Variants in DIPK1A observed in about 807,000 individuals in gnomAD.
DIPK1A encodes the protein family with sequence similarity 69 member A.
Under a neutral mutation model 40.8 loss-of-function variants are expected in DIPK1A, and 27 were observed. The ratio of observed to expected loss-of-function variants is 0.66; its 90% confidence interval spans 0.49 to 0.91. The LOEUF (loss-of-function observed/expected upper bound fraction) is 0.91. DIPK1A is among the 40% of genes least tolerant of loss of function. DIPK1A has a pLI of 0.00. For missense variants in DIPK1A, 412 were observed against 505.7 expected, an observed-to-expected ratio of 0.81 and a Z score of 1.78; for synonymous variants, 166 against 171.3, an observed-to-expected ratio of 0.97 and a Z score of 0.24.
chr1:92,841,617 G>C, downstream of DIPK1A: 2 of 477,164 alleles, frequency 4.2e-6, no homozygotes, highest in East Asian at 8.5e-5. Context: ...TCATACATAA[G>C]TAAATGTATT....
At chr1:92,841,711 ATATTC>A, downstream of DIPK1A, 1 of 1,079,216 alleles carries the variant, frequency 9.3e-7, no homozygotes, top group Non-Finnish European at 1.3e-6. Flanking sequence ...TTTAAATTAA[ATATTC>A]TATTCTCTTC....
Position 92,849,961 on chromosome 1 carries a change from A to AT in DIPK1A, c.297+886dup, listed in dbSNP as rs1016789345. On this transcript the variant is annotated intron_variant, in intron 3 of 4. Transcript: ENST00000370310. The stretch of plus-strand genomic sequence containing the variant: ...CCGTGCCACGGGCCCGGCTGTTTGT[A>AT]TTTTTTTATTTTTATTTTTTATTTT... Among the ~76,000 whole-genome samples, 4 of 151,218 alleles carry AT rather than the reference A, an allele frequency of 2.6e-5. No individual in the cohort carries two copies. In the South Asian group the frequency reaches 6.3e-4, roughly 24 times the overall value.
chr1:92,918,802 G>A (rs1023445251), intron 1 of DIPK1A, among the ~76,000 whole-genome samples: 1 of 152,136 alleles, frequency 6.6e-6, no homozygotes, highest in Non-Finnish European at 1.5e-5. Flanking sequence ...GTGGGGAGAT[G>A]TTTCGGGATG....
chr1:92,885,263 G>C (rs1648544205), intron 1 of DIPK1A, among the ~76,000 whole-genome samples: 2 of 152,206 alleles, frequency 1.3e-5, no homozygotes, highest in African/African-American at 2.4e-5. Context: ...AATCAGTGAG[G>C]AGATGCTATT....
intron 2 of DIPK1A, among the ~76,000 whole-genome samples, chr1:92,866,102 C>G (rs1557459979): frequency 6.6e-6 from 1 of 151,954 alleles, no homozygotes; most frequent in Non-Finnish European, 1.5e-5. Flanking sequence ...CTGGGGTTTT[C>G]TTGTTTGTTT....
chr1:92,836,388 C>G (rs1251989135), intron 4 of DIPK1A: 1 of 1,613,702 alleles, frequency 6.2e-7, no homozygotes, highest in African/African-American at 1.3e-5. Flanking sequence ...GTCTATCCCT[C>G]ACAGGTAAGA....
intron 1 of DIPK1A, among the ~76,000 whole-genome samples, chr1:92,951,573 G>C (rs7539571): frequency 0.03 from 4,627 of 152,168 alleles, 205 homozygotes; most frequent in African/African-American, 0.1. Context: ...AAACAAATGG[G>C]CGTTGTTTTA....
intron 2 of DIPK1A, 69 bp from the exon 3 acceptor site, chr1:92,851,024 T>G: frequency 2.1e-6 from 2 of 951,010 alleles, no homozygotes; most frequent in Non-Finnish European, 3.2e-6. Flanking sequence ...AAGAGATATC[T>G]ATATCCTTTA....
chr1:92,918,741 G>T (rs998456837), intron 1 of DIPK1A, among the ~76,000 whole-genome samples: 1 of 152,288 alleles, frequency 6.6e-6, no homozygotes, highest in African/African-American at 2.4e-5. Context: ...ATCAGGGACG[G>T]GTTTCGTGGA....
chr1:92,961,347 A>G, intron 1 of DIPK1A, 29 bp downstream of exon 1: 1 of 1,485,696 alleles, frequency 6.7e-7, no homozygotes, highest in African/African-American at 1.5e-5. Context: ...GTGCTCCCGC[A>G]GCTGGTGGCT....
At chr1:92,950,431 C>T (rs1221975503) in intron 1 of DIPK1A, among the ~76,000 whole-genome samples, 2 of 152,304 alleles carry the variant, frequency 1.3e-5, no homozygotes, top group East Asian at 3.9e-4. Flanking sequence ...TGGGAAGCCA[C>T]TGAAGGATTT....
At chr1:92,886,935 T>C (rs1648626502) in intron 1 of DIPK1A, among the ~76,000 whole-genome samples, 1 of 152,020 alleles carries the variant, frequency 6.6e-6, no homozygotes. Flanking sequence ...ACAGAGACAA[T>C]ATGGCCAACA....
At chr1:92,851,946 G>A (rs1455916038) in intron 2 of DIPK1A, among the ~76,000 whole-genome samples, 2 of 152,146 alleles carry the variant, frequency 1.3e-5, no homozygotes, top group Non-Finnish European at 1.5e-5. Flanking sequence ...GATAAGACAG[G>A]CCTGAATGAT....
intron 1 of DIPK1A, chr1:92,932,780 G>C (rs970823952): frequency 6.6e-6 from 1 of 152,206 alleles, no homozygotes; most frequent in Non-Finnish European, 1.5e-5. Flanking sequence ...TGGTTGCTAA[G>C]GGTTGGAGGG....
At chr1:92,879,098 TGAGCCTGG>T (rs1323378359) in intron 1 of DIPK1A, among the ~76,000 whole-genome samples, 1 of 150,478 alleles carries the variant, frequency 6.6e-6, no homozygotes, top group African/African-American at 2.5e-5. Context: ...GAGGATTGCT[TGAGCCTGG>T]GAGGCAGAGG....
intron 1 of DIPK1A, among the ~76,000 whole-genome samples, chr1:92,887,519 A>G (rs950600827): frequency 6.6e-6 from 1 of 152,096 alleles, no homozygotes; most frequent in African/African-American, 2.4e-5. Context: ...ACAGATCCCT[A>G]CTAGTCTACT....
intron 2 of DIPK1A, among the ~76,000 whole-genome samples, chr1:92,875,035 C>T (rs1648052745): frequency 1.3e-5 from 2 of 152,112 alleles, no homozygotes. Context: ...ACTCATTCCC[C>T]TCTCTTGCCT....
At position 92,891,296 on chromosome 1, in the gene DIPK1A, T is replaced by G. The variant is rs143017497; in HGVS notation, c.55-14866A>C. Among the ~76,000 whole-genome samples, 308 of 151,454 alleles carry G rather than the reference T, an allele frequency of 2.0e-3. 1 individual carries two copies. Among genetic ancestry groups the G allele is most frequent in the African/African-American group, 6.5e-3 (270 of 41,376 alleles). On this transcript the variant is annotated intron_variant, in intron 1 of 4. Coordinates refer to ENST00000370310, the MANE Select transcript of DIPK1A (RefSeq NM_001006605.5). The stretch of plus-strand genomic sequence containing the variant: ...TTTTCATTTCATTGATCTTTTGTGG[T>G]TTTTTTTTAGTTGATCTTTATTATT...
intron 2 of DIPK1A, among the ~76,000 whole-genome samples, chr1:92,875,567 A>C (rs894964830): frequency 6.6e-6 from 1 of 152,066 alleles, no homozygotes; most frequent in African/African-American, 2.4e-5. Flanking sequence ...AAATACAAAA[A>C]TTAGCCAGGC....
Sources: allele counts gnomAD v4.1 joint callset (sites outside exome capture counted in the v4.1 genomes callset), GRCh38; gene constraint gnomAD v4.1.1; transcripts MANE v1.5; gene names NCBI Gene and HGNC (gene_info 2026-07-23, HGNC 2026-07-21).